Variants in VTI1A observed in about 807,000 individuals in gnomAD.
The protein encoded by VTI1A is vesicle transport through interaction with t-SNAREs 1A.
VTI1A carries 22 observed loss-of-function variants against 34.9 expected under a neutral mutation model. That is an observed-to-expected ratio of 0.63 (90% confidence interval 0.45 to 0.90). The LOEUF (loss-of-function observed/expected upper bound fraction) is 0.90. Among genes scored for constraint, VTI1A ranks in the 40% least tolerant of loss-of-function variants. The pLI, the probability that VTI1A is intolerant of heterozygous loss-of-function variation, is 0.00. For missense variants in VTI1A, 268 were observed against 275.6 expected (o/e 0.97, Z 0.20); for synonymous variants, 87 against 97.3 (o/e 0.89, Z 0.62).
intron 5 of VTI1A, among the ~76,000 whole-genome samples, chr10:112,665,480 T>A (rs912321129): frequency 2.0e-5 from 3 of 152,192 alleles, no homozygotes; most frequent in Non-Finnish European, 4.4e-5. Flanking sequence ...ATTTGGGTGT[T>A]ACGACCGGGA....
At chr10:112,696,589 A>T (rs2133890410) in intron 7 of VTI1A, among the ~76,000 whole-genome samples, 1 of 152,360 alleles carries the variant, frequency 6.6e-6, no homozygotes, top group East Asian at 1.9e-4. Context: ...GGTCAAAATA[A>T]AACTATTAAA....
intron 7 of VTI1A, chr10:112,677,745 C>T (rs1460497928): frequency 6.6e-6 from 1 of 152,242 alleles, no homozygotes; most frequent in Non-Finnish European, 1.5e-5. Context: ...TACATGGGCC[C>T]TTGATAACCA....
At chr10:112,555,382 TGTA>T in intron 5 of VTI1A, among the ~76,000 whole-genome samples, 1 of 152,108 alleles carries the variant, frequency 6.6e-6, no homozygotes, top group Non-Finnish European at 1.5e-5. Flanking sequence ...GCCTGAATTA[TGTA>T]GTAGTAGGAT....
chr10:112,795,527 T>G (rs551469209), intron 7 of VTI1A, among the ~76,000 whole-genome samples: 1 of 149,990 alleles, frequency 6.7e-6, no homozygotes, highest in Admixed American at 6.7e-5. Context: ...CTCTGCCTCC[T>G]GGGTTCAAGC....
rs539639544 is a variant in VTI1A at position 112,568,443 on chromosome 10, G to A, written c.427+30113G>A. ...AATCTCTTGAGCCCGGGAGGCGGAG[G>A]TTGCAGTGAGCTGAGATCGCGCCAC... is the stretch of plus-strand genomic sequence containing the variant. On this transcript the variant is annotated intron_variant, in intron 5 of 7. Coordinates refer to ENST00000393077, the MANE Select transcript of VTI1A (RefSeq NM_145206.4). Among the ~76,000 whole-genome samples the A allele has an allele frequency of 1.2e-4, 19 of 152,114 alleles. No individual in the cohort carries two copies. In the Middle Eastern group the frequency reaches 0.017, roughly 136 times the overall value.
chr10:112,633,449 T>C lies in VTI1A; in HGVS notation c.428-34769T>C, dbSNP rs536459079. Reference sequence around the variant, plus strand: ...TTCAAGTATAATGGAAAAGTTGTGGTCCCCAGAATTTCTGTCCTCCCTATG... The same window carrying C: ...TTCAAGTATAATGGAAAAGTTGTGGCCCCCAGAATTTCTGTCCTCCCTATG... On this transcript the variant is annotated intron_variant, in intron 5 of 7. Coordinates refer to ENST00000393077, the MANE Select transcript of VTI1A (RefSeq NM_145206.4). Among the ~76,000 whole-genome samples the C allele has an allele frequency of 2.1e-3, 313 of 152,224 alleles. 2 individuals are homozygous for C. Among genetic ancestry groups the C allele is most frequent in the Middle Eastern group, 3.4e-3 (1 of 294 alleles).
chr10:112,579,263 A>T (rs1843829393), intron 5 of VTI1A, among the ~76,000 whole-genome samples: 1 of 152,364 alleles, frequency 6.6e-6, no homozygotes, highest in East Asian at 1.9e-4. Flanking sequence ...TTATATTTCC[A>T]TTTTGTGTAT....
At chr10:112,479,215 A>G (rs1229929256) in intron 3 of VTI1A, among the ~76,000 whole-genome samples, 1 of 152,222 alleles carries the variant, frequency 6.6e-6, no homozygotes, top group East Asian at 1.9e-4. Context: ...TAGGCCGGAC[A>G]CTGGCCTAAT....
intron 5 of VTI1A, among the ~76,000 whole-genome samples, chr10:112,661,506 G>T (rs1847447269): frequency 6.6e-6 from 1 of 152,108 alleles, no homozygotes; most frequent in South Asian, 2.1e-4. Context: ...TTTGCCTTCA[G>T]CCTGAATTAT....
intron 5 of VTI1A, among the ~76,000 whole-genome samples, chr10:112,546,670 T>A (rs1851141815): frequency 3.3e-5 from 5 of 150,282 alleles, no homozygotes; most frequent in South Asian, 2.1e-4. Context: ...ACTACTCACA[T>A]CCTTTTTTTT....
chr10:112,540,824 T>C (rs1334054130), intron 5 of VTI1A, among the ~76,000 whole-genome samples: 5 of 152,210 alleles, frequency 3.3e-5, no homozygotes, highest in African/African-American at 9.7e-5. Context: ...TCAGCACTTA[T>C]TGATGTCTTC....
At chr10:112,714,475 G>C (rs954858775) in intron 7 of VTI1A, among the ~76,000 whole-genome samples, 4 of 152,328 alleles carry the variant, frequency 2.6e-5, no homozygotes, top group African/African-American at 9.6e-5. Flanking sequence ...TGCAAGAGGA[G>C]TTGGCATAGA....
At chr10:112,843,150 C>T in the VTI1A span, among the ~76,000 whole-genome samples, 6 of 152,350 alleles carry the variant, frequency 3.9e-5, no homozygotes, top group Non-Finnish European at 7.3e-5. Context: ...TCTCCTTCTT[C>T]GCCTCCCAAT....
At chr10:112,655,547 A>G (rs1847200560) in intron 5 of VTI1A, among the ~76,000 whole-genome samples, 1 of 152,204 alleles carries the variant, frequency 6.6e-6, no homozygotes, top group Admixed American at 6.5e-5. Flanking sequence ...AAAAAAAAAA[A>G]AGTGTTTTTT....
chr10:112,611,640 A>G lies in VTI1A; in HGVS notation c.428-56578A>G, dbSNP rs1228225421. On this transcript the variant is annotated intron_variant, in intron 5 of 7. Transcript: ENST00000393077. ...TGATGTTTTTCGCATATAAAAACCAAATCTAGAAAGAAAAGAAGAAGAAAA... is the reference window on the plus strand; with the variant it reads ...TGATGTTTTTCGCATATAAAAACCAGATCTAGAAAGAAAAGAAGAAGAAAA... 2.6e-5 allele frequency among the ~76,000 whole-genome samples: 4 copies of G among 152,142 alleles called. No homozygotes were observed. In the East Asian group the frequency reaches 7.7e-4, roughly 29 times the overall value.
rs1267010759 is a variant in VTI1A, at chr10:112,537,667, G to A, written c.343-579G>A. Among the ~76,000 whole-genome samples, 5 of 152,102 alleles carry A rather than the reference G, an allele frequency of 3.3e-5. 1 individual carries two copies. In the East Asian group the frequency reaches 9.6e-4, roughly 29 times the overall value. ...CATCTATGTAAATGGAGAAACATGT[G>A]TCTCTTGTTTCTTAGTGTTGCCTCC... On this transcript the variant is annotated intron_variant, in intron 4 of 7. Coordinates refer to ENST00000393077, the MANE Select transcript of VTI1A (RefSeq NM_145206.4).
chr10:112,670,496 C>T (rs887267089), intron 7 of VTI1A, among the ~76,000 whole-genome samples: 1 of 152,106 alleles, frequency 6.6e-6, no homozygotes, highest in Admixed American at 6.6e-5. Flanking sequence ...TTATGGGTTT[C>T]GAAACCAATG....
chr10:112,535,512 G>A (rs1326193078), intron 4 of VTI1A, among the ~76,000 whole-genome samples: 2 of 152,148 alleles, frequency 1.3e-5, no homozygotes, highest in African/African-American at 4.8e-5. Context: ...TCCTTGTGTT[G>A]CTCTTTCTGG....
chr10:112,697,403 T>TCTTTTC (rs56785135), intron 7 of VTI1A, among the ~76,000 whole-genome samples: 1 of 146,562 alleles, frequency 6.8e-6, no homozygotes, highest in Non-Finnish European at 1.5e-5. Context: ...TCTTTTCTTT[T>TCTTTTC]TTTTTTTTTT....
Sources: allele counts gnomAD v4.1 joint callset (sites outside exome capture counted in the v4.1 genomes callset), GRCh38; gene constraint gnomAD v4.1.1; transcripts MANE v1.5; gene names NCBI Gene and HGNC (gene_info 2026-07-23, HGNC 2026-07-21).